The following OSBPL10 variants were observed in gnomAD, a reference collection of about 807,000 sequenced individuals.
OSBPL10 encodes oxysterol binding protein like 10.
OSBPL10 carries 49 observed loss-of-function variants against 81.7 expected under a neutral mutation model. The observed-to-expected ratio is 0.60, with a 90% CI of 0.48 to 0.76. OSBPL10 has a LOEUF of 0.76. Among genes scored for constraint, OSBPL10 ranks in the 30% least tolerant of loss-of-function variants. The pLI is 0.00. For missense variants in OSBPL10, 923 were observed against 987.8 expected (o/e 0.93, Z 0.88); for synonymous variants, 419 against 383.6 (o/e 1.09, Z -1.08).
intron 3 of OSBPL10, among the ~76,000 whole-genome samples, chr3:31,835,989 T>C (rs78059084): frequency 0.027 from 4,153 of 152,336 alleles, 178 homozygotes; most frequent in African/African-American, 0.095. Context: ...TTGCTTCATA[T>C]TGACCTCCTC....
chr3:31,716,104 C>G (rs1034402012), intron 6 of OSBPL10, among the ~76,000 whole-genome samples: 4 of 152,124 alleles, frequency 2.6e-5, no homozygotes, highest in Non-Finnish European at 5.9e-5. Context: ...TCACTGTGAA[C>G]TGAATAGAAA....
rs1424176919 is a variant in OSBPL10 at position 31,671,690 on chromosome 3, G to T, written c.1727-707C>A. On this transcript the variant is annotated intron_variant, in intron 8 of 11. Coordinates refer to ENST00000396556, the MANE Select transcript of OSBPL10 (RefSeq NM_017784.5). ...ACTGCCCACGCACTTCCAGAGAAAG[G>T]GTTCTCCAACCTACAACCCAAAGTG... 2.6e-5 allele frequency among the ~76,000 whole-genome samples: 4 copies of T among 152,262 alleles called. No homozygotes were observed. In the South Asian group the frequency reaches 8.3e-4, roughly 32 times the overall value.
chr3:31,669,784 T>A (rs1575463857), intron 9 of OSBPL10, among the ~76,000 whole-genome samples: 2 of 152,192 alleles, frequency 1.3e-5, no homozygotes, highest in Middle Eastern at 3.4e-3. Flanking sequence ...GGATCTAAAC[T>A]CCCCTTTTCC....
intron 3 of OSBPL10, among the ~76,000 whole-genome samples, chr3:31,852,582 T>TGTTG (rs1700798190): frequency 6.6e-6 from 1 of 151,716 alleles, no homozygotes; most frequent in South Asian, 2.1e-4. Flanking sequence ...TTTTTTTGTT[T>TGTTG]GTTTGTTTGT....
chr3:31,951,297 T>C (rs983572479), intron 1 of OSBPL10, among the ~76,000 whole-genome samples: 4 of 152,152 alleles, frequency 2.6e-5, no homozygotes, highest in Admixed American at 6.5e-5. Flanking sequence ...CAGAAAACTA[T>C]ATACAACATC....
chr3:31,766,628 T>G (rs1197612337), intron 4 of OSBPL10, among the ~76,000 whole-genome samples: 1 of 152,132 alleles, frequency 6.6e-6, no homozygotes, highest in Non-Finnish European at 1.5e-5. Flanking sequence ...TATGAGCCAC[T>G]GTGCTGGCCC....
chr3:31,912,443 G>A (rs2125694418), intron 1 of OSBPL10, among the ~76,000 whole-genome samples: 1 of 152,082 alleles, frequency 6.6e-6, no homozygotes, highest in East Asian at 1.9e-4. Context: ...CGGGGTCGGG[G>A]GGCGGACATT....
At chr3:31,961,664 A>C (rs1374888580) in intron 1 of OSBPL10, among the ~76,000 whole-genome samples, 1 of 150,370 alleles carries the variant, frequency 6.7e-6, no homozygotes, top group Non-Finnish European at 1.5e-5. Flanking sequence ...GCAGTGGTGC[A>C]ATCATAGCTC....
At chr3:31,770,539 C>T (rs1698350228) in intron 4 of OSBPL10, among the ~76,000 whole-genome samples, 1 of 152,140 alleles carries the variant, frequency 6.6e-6, no homozygotes. Context: ...ATAATCTCAA[C>T]ACTTTGGGAG....
chr3:32,023,600 G>A (rs1231599576), intron 2 of OSBPL10, among the ~76,000 whole-genome samples: 1 of 152,074 alleles, frequency 6.6e-6, no homozygotes, highest in East Asian at 1.9e-4. Context: ...AGAACCCCCT[G>A]CTCCATCTCA....
rs1415008699 is a variant in OSBPL10, at chr3:31,800,617, G to A, written c.729+29423C>T. 2.6e-5 allele frequency among the ~76,000 whole-genome samples: 4 copies of A among 152,314 alleles called. No homozygotes were observed. In the South Asian group the frequency reaches 6.2e-4, roughly 24 times the overall value. On this transcript the variant is annotated intron_variant, in intron 4 of 11. Coordinates refer to ENST00000396556, the MANE Select transcript of OSBPL10 (RefSeq NM_017784.5). ...AAATGAGTAGGCAAAATGCTTATAC[G>A]AATAAACAATCACCATGAAACTACC...
intron 2 of OSBPL10, among the ~76,000 whole-genome samples, chr3:31,995,247 T>C (rs1699078199): frequency 6.6e-6 from 1 of 152,176 alleles, no homozygotes; most frequent in Admixed American, 6.5e-5. Context: ...CTAGTAAGCC[T>C]GAGAGTACTG....
At chr3:32,008,775 A>G (rs969004352) in intron 2 of OSBPL10, among the ~76,000 whole-genome samples, 37 of 152,016 alleles carry the variant, frequency 2.4e-4, no homozygotes, top group African/African-American at 8.2e-4. Context: ...AAAAAAAAAA[A>G]AAGAAGAACA....
intron 3 of OSBPL10, among the ~76,000 whole-genome samples, chr3:31,847,863 A>G (rs1700670556): frequency 6.6e-6 from 1 of 152,132 alleles, no homozygotes; most frequent in Non-Finnish European, 1.5e-5. Flanking sequence ...GGCTGGAAGC[A>G]GGGCCCAGAA....
chr3:31,695,277 C>T (rs1695680053), intron 7 of OSBPL10, among the ~76,000 whole-genome samples: 1 of 152,146 alleles, frequency 6.6e-6, no homozygotes, highest in Non-Finnish European at 1.5e-5. Flanking sequence ...TAGACTAAAT[C>T]CTCTGAGAAA....
chr3:31,763,448 A>G (rs1393670216), intron 4 of OSBPL10, among the ~76,000 whole-genome samples: 1 of 152,172 alleles, frequency 6.6e-6, no homozygotes, highest in Non-Finnish European at 1.5e-5. Context: ...CCACACACAT[A>G]TCTCAAAGAA....
At position 31,812,831 on chromosome 3, in the gene OSBPL10, AGAAAGAAAGAAAGAAC is replaced by A. The variant is rs1457450518; in HGVS notation, c.729+17193_729+17208del. 7.2e-4 allele frequency among the ~76,000 whole-genome samples: 101 copies of A among 140,190 alleles called. 6 individuals are homozygous for A. The highest frequency in any genetic ancestry group is 4.5e-3 in the East Asian group (19 of 4,196). 92.0% of individuals were successfully genotyped at this position (140,190 alleles called of 152,430 possible). On this transcript the variant is annotated intron_variant, in intron 4 of 11. Transcript: ENST00000396556. ...GAAAGAAAGAAAGAGAAAGAAAGAA[AGAAAGAAAGAAAGAAC>A]GAACTTCTCCAATAACATGTGAGAA...
intron 2 of OSBPL10, among the ~76,000 whole-genome samples, chr3:31,878,218 C>G (rs1028202978): frequency 6.6e-6 from 1 of 152,146 alleles, no homozygotes; most frequent in Non-Finnish European, 1.5e-5. Flanking sequence ...AATGGCAAAA[C>G]AAGATGGCTC....
chr3:31,987,158 G>A (rs191148685), intron 2 of OSBPL10, among the ~76,000 whole-genome samples: 1,830 of 151,034 alleles, frequency 0.012, 20 homozygotes, highest in Non-Finnish European at 0.017. Context: ...CCTTCCCTTC[G>A]TCCAGACACT....
Sources: allele counts gnomAD v4.1 joint callset (sites outside exome capture counted in the v4.1 genomes callset), GRCh38; gene constraint gnomAD v4.1.1; transcripts MANE v1.5; gene names NCBI Gene and HGNC (gene_info 2026-07-23, HGNC 2026-07-21).